The following ZFHX3 variants were observed in gnomAD, a reference collection of about 807,000 sequenced individuals.
The protein encoded by ZFHX3 is zinc finger homeobox 3.
In ZFHX3, 42 loss-of-function variants were observed where a neutral mutation model predicts 279.1. The ratio of observed to expected loss-of-function variants is 0.15; its 90% CI spans 0.12 to 0.19. ZFHX3 has a LOEUF of 0.19. Among genes scored for constraint, ZFHX3 ranks in the 10% least tolerant of loss-of-function variants. ZFHX3 has a pLI of 1.00. For missense variants in ZFHX3, 4,981 were observed against 4,754.0 expected (o/e 1.05, Z -1.40); for synonymous variants, 2,293 against 1,957.8 (o/e 1.17, Z -4.52).
chr16:73,875,907 T>C (rs2029932127), intron 1 of ZFHX3, among the ~76,000 whole-genome samples: 1 of 152,232 alleles, frequency 6.6e-6, no homozygotes, highest in Admixed American at 6.5e-5. Flanking sequence ...ATCAAATATA[T>C]ACACATGATT....
chr16:73,687,801 T>C (rs1269531390), intron 1 of ZFHX3, among the ~76,000 whole-genome samples: 1 of 94,684 alleles, frequency 1.1e-5, no homozygotes, highest in Admixed American at 1.4e-4. Flanking sequence ...TGAGCCGAGA[T>C]TGTGCCACTG....
chr16:73,445,029 G>T (rs1051798595), intron 3 of ZFHX3, among the ~76,000 whole-genome samples: 3 of 150,994 alleles, frequency 2.0e-5, no homozygotes, highest in African/African-American at 7.3e-5. Context: ...CAGCTACTCA[G>T]GAGGCTGAGG....
At chr16:73,665,541 G>A (rs1158416071) in intron 2 of ZFHX3, among the ~76,000 whole-genome samples, 5 of 151,762 alleles carry the variant, frequency 3.3e-5, no homozygotes, top group African/African-American at 1.2e-4. Context: ...AGAAGAGGAT[G>A]CTGAGACCCA....
intron 1 of ZFHX3, among the ~76,000 whole-genome samples, chr16:73,884,970 A>G (rs7193550): frequency 0.059 from 8,933 of 152,244 alleles, 820 homozygotes; most frequent in African/African-American, 0.2. Flanking sequence ...CTAACTTGGT[A>G]GATTCAAAAT....
At chr16:73,777,698 G>A (rs757618805) in intron 1 of ZFHX3, among the ~76,000 whole-genome samples, 23 of 151,912 alleles carry the variant, frequency 1.5e-4, no homozygotes, top group Admixed American at 5.9e-4. Flanking sequence ...TGCCAGTTAT[G>A]GTGCTAAGCA....
At chr16:72,868,930 G>A (rs1397936191) in intron 4 of ZFHX3, among the ~76,000 whole-genome samples, 2 of 152,174 alleles carry the variant, frequency 1.3e-5, no homozygotes, top group Non-Finnish European at 2.9e-5. Context: ...AGAATGGACA[G>A]GAGAAAAAGC....
intron 5 of ZFHX3, among the ~76,000 whole-genome samples, chr16:73,225,748 T>C (rs2012572720): frequency 6.6e-6 from 1 of 152,200 alleles, no homozygotes; most frequent in Non-Finnish European, 1.5e-5. Context: ...CATAGTATCA[T>C]CTGAACACAG....
At chr16:73,003,724 C>T (rs749292866) in intron 1 of ZFHX3, among the ~76,000 whole-genome samples, 21 of 151,734 alleles carry the variant, frequency 1.4e-4, no homozygotes, top group Non-Finnish European at 2.9e-4. Flanking sequence ...AACAAACAAA[C>T]AAAAAGGATA....
upstream of ZFHX3, chr16:73,061,554 C>G (rs1965685253): frequency 6.7e-6 from 1 of 149,968 alleles, no homozygotes; most frequent in African/African-American, 2.4e-5. Flanking sequence ...TTTTTTTTCC[C>G]TTTCAGTCCA....
At chr16:73,786,686 T>C (rs1166023953) in intron 1 of ZFHX3, among the ~76,000 whole-genome samples, 1 of 152,216 alleles carries the variant, frequency 6.6e-6, no homozygotes, top group Non-Finnish European at 1.5e-5. Flanking sequence ...CCCTATTCCA[T>C]GGGTGCCTGA....
chr16:73,655,269 G>A (rs1337920533), intron 2 of ZFHX3, among the ~76,000 whole-genome samples: 4 of 152,136 alleles, frequency 2.6e-5, no homozygotes, highest in Admixed American at 2.0e-4. Flanking sequence ...CACTTCTACT[G>A]AGCATTGTTC....
At chr16:73,591,601 G>A (rs1408717257) in intron 2 of ZFHX3, among the ~76,000 whole-genome samples, 1 of 144,016 alleles carries the variant, frequency 6.9e-6, no homozygotes, top group Admixed American at 7.3e-5. Flanking sequence ...GCTGAGGCAG[G>A]AGAATGGTGT....
chr16:73,862,037 A>G (rs1008290678), intron 1 of ZFHX3, among the ~76,000 whole-genome samples: 3 of 152,178 alleles, frequency 2.0e-5, no homozygotes, highest in African/African-American at 7.2e-5. Context: ...TCTAAGTTAC[A>G]TTTCCTAGCT....
At chr16:73,746,328 G>A (rs1179369423) in intron 1 of ZFHX3, among the ~76,000 whole-genome samples, 1 of 151,826 alleles carries the variant, frequency 6.6e-6, no homozygotes, top group African/African-American at 2.4e-5. Context: ...GAAGGAAAAA[G>A]AAACTTCAGG....
At chr16:73,552,608 G>C (rs985133474) in intron 2 of ZFHX3, among the ~76,000 whole-genome samples, 4 of 152,060 alleles carry the variant, frequency 2.6e-5, no homozygotes, top group African/African-American at 9.7e-5. Flanking sequence ...GACTTGGGAT[G>C]GGTTCTATAC....
chr16:72,893,944 G>A (rs996406119), intron 3 of ZFHX3, among the ~76,000 whole-genome samples: 7 of 152,142 alleles, frequency 4.6e-5, no homozygotes, highest in Non-Finnish European at 5.9e-5. Context: ...GAGGTCAGGA[G>A]TTCAAAACCA....
chr16:72,972,718 T>G (rs1042818542), intron 1 of ZFHX3, among the ~76,000 whole-genome samples: 6 of 152,046 alleles, frequency 3.9e-5, no homozygotes, highest in African/African-American at 1.4e-4. Context: ...CCTCCTCTAC[T>G]TTAAGCTTCA....
At chr16:73,820,100 T>C (rs748267660) in intron 1 of ZFHX3, among the ~76,000 whole-genome samples, 1 of 151,858 alleles carries the variant, frequency 6.6e-6, no homozygotes, top group Non-Finnish European at 1.5e-5. Context: ...GAGTAAGTCT[T>C]TTTTTTTGAG....
intron 3 of ZFHX3, among the ~76,000 whole-genome samples, chr16:73,334,810 CTTTTTTTTTTTT>C (rs368597124): frequency 2.1e-4 from 12 of 57,916 alleles, no homozygotes; most frequent in Admixed American, 1.6e-3. Context: ...CTTTCTCATT[CTTTTTTTTTTTT>C]TTTTTTTTTT....
Sources: allele counts gnomAD v4.1 joint callset (sites outside exome capture counted in the v4.1 genomes callset), GRCh38; gene constraint gnomAD v4.1.1; transcripts MANE v1.5; gene names NCBI Gene and HGNC (gene_info 2026-07-23, HGNC 2026-07-21).